CDHR1: variants seen among roughly 807,000 people sequenced by gnomAD.
CDHR1 encodes cadherin-related family member 1.
In CDHR1, 61 loss-of-function variants were observed where a neutral mutation model predicts 72.1. That is an observed-to-expected ratio of 0.85 (90% CI 0.69 to 1.05). The LOEUF (loss-of-function observed/expected upper bound fraction) is 1.05. Among genes scored for constraint, CDHR1 ranks in the 50% least tolerant of loss-of-function variants. The pLI, the probability that CDHR1 is intolerant of heterozygous loss-of-function variation, is 0.00. For synonymous variants in CDHR1, 470 were observed against 448.1 expected (o/e 1.05, Z -0.62); for missense variants, 1,186 against 1,115.7 (o/e 1.06, Z -0.90).
rs542245303 is a variant in CDHR1 at position 84,205,361 on chromosome 10, A to C, written c.863-466A>C. 8.6e-5 allele frequency among the ~76,000 whole-genome samples: 13 copies of C among 151,356 alleles called. No homozygotes were observed. In the South Asian group the frequency reaches 2.7e-3, roughly 32 times the overall value. ...CTTCCCATCACCACTGCAAACCTTT[A>C]CCCAGTCCTTGAGCACCCACCCCAT... is the stretch of plus-strand genomic sequence containing the variant. On this transcript the variant is annotated intron_variant, in intron 9 of 16. Coordinates refer to ENST00000623527, the MANE Select transcript of CDHR1 (RefSeq NM_033100.4).
At position 84,199,138 on chromosome 10, in the gene CDHR1, T is replaced by C. The variant is rs1453842537; in HGVS notation, c.438+17T>C. ...GTTCCCGAGGTAAGTGAGGAGCTGC[T>C]AGAGGGGCTGATTTTCCCACCCAGG... On this transcript the variant is annotated intron_variant, in intron 5 of 16. Coordinates refer to ENST00000623527, the MANE Select transcript of CDHR1 (RefSeq NM_033100.4). The C allele has an allele frequency of 1.3e-6, 2 of 1,548,116 alleles. No individual in the cohort carries two copies. The highest frequency in any genetic ancestry group is 1.7e-6 in the Non-Finnish European group (2 of 1,144,806).
In CDHR1 at chr10:84,217,385, T is replaced by G. The variant is rs2132844050; in HGVS notation, c.*2764T>G. 1.0e-6 allele frequency: 1 copy of G among 985,450 alleles called. No homozygotes were observed. Among genetic ancestry groups the G allele is most frequent in the Non-Finnish European group, 1.2e-6 (1 of 829,942 alleles). 61.0% of individuals were successfully genotyped at this position (985,450 alleles called of 1,614,324 possible). A position where few individuals can be genotyped will look rare whatever the true frequency, so the allele number is the denominator to read the frequency against. On this transcript the variant is annotated 3_prime_UTR_variant, in exon 17 of 17. Coordinates refer to ENST00000623527, the MANE Select transcript of CDHR1 (RefSeq NM_033100.4). ...CACCAAATACTCTGCAGAGTCATTT[T>G]CCTCCTGCGGCTGAGCTCAGATCTT...
chr10:84,214,957 C>T lies in CDHR1; in HGVS notation c.*336C>T, dbSNP rs1842404202. ...GCCAGCTCACCCATCCCAGACCTCACAGTCCCTCAGGTTCTACTGGGATCT... is the reference window on the plus strand; with the variant it reads ...GCCAGCTCACCCATCCCAGACCTCATAGTCCCTCAGGTTCTACTGGGATCT... On this transcript the variant is annotated 3_prime_UTR_variant, in exon 17 of 17. Transcript: ENST00000623527. 3 of 1,249,598 alleles carry T rather than the reference C, an allele frequency of 2.4e-6. No individual in the cohort carries two copies. The highest frequency in any genetic ancestry group is 3.0e-6 in the Non-Finnish European group (3 of 985,510). 77.4% of individuals were successfully genotyped at this position (1,249,598 alleles called of 1,614,324 possible).
At position 84,194,689 on chromosome 10, in the gene CDHR1, G is replaced by A; in HGVS notation, c.-72G>A. 7.7e-7 allele frequency: 1 copy of A among 1,295,690 alleles called. No homozygotes were observed. Among genetic ancestry groups the A allele is most frequent in the East Asian group, 2.9e-5 (1 of 34,092 alleles). The allele number at this position is 1,295,690 out of a possible 1,614,324, so 80.3% of individuals were successfully genotyped here. On this transcript the variant is annotated 5_prime_UTR_variant, in exon 1 of 17. Transcript: ENST00000623527. ...CATTGTGGTCTCTGCCCTCCCCGCG[G>A]GCCCAGGGCATGCTCCGTGCCCCTG...
chr10:84,210,961 G>C (rs199901131), intron 12 of CDHR1, 40 bp from the exon 13 acceptor site: 105 of 1,610,748 alleles, frequency 6.5e-5, no homozygotes, highest in Non-Finnish European at 8.5e-5. Context: ...TGCAGCATGA[G>C]TGCCTACCCA....
rs145353541 is a variant in CDHR1, at chr10:84,208,748, A to C, written c.1187A>C (p.Asn396Thr). Reference sequence around the variant, plus strand: ...CTCTAGGGAGCCAATGCCAAATTCAACTTGCAGCTGGTGGGACCCAGGGGC... The same window carrying C: ...CTCTAGGGAGCCAATGCCAAATTCACCTTGCAGCTGGTGGGACCCAGGGGC... ...DSDQGANAKF[N>T]LQLVGPRGIF... The change falls in exon 12 of 17, where the codon AAC becomes ACC. Residue 396 changes from asparagine (N) to threonine (T), a missense_variant. Coordinates refer to ENST00000623527, the MANE Select transcript of CDHR1 (RefSeq NM_033100.4). The C allele has an allele frequency of 2.5e-6, 4 of 1,614,196 alleles. No homozygotes were observed. The highest frequency in any genetic ancestry group is 3.4e-6 in the Non-Finnish European group (4 of 1,180,014).
At chr10:84,211,739 C>A in intron 14 of CDHR1, 24 bp downstream of exon 14, 1 of 1,601,962 alleles carries the variant, frequency 6.2e-7, no homozygotes, top group Non-Finnish European at 8.6e-7. Flanking sequence ...GAATCCAGGA[C>A]AGGGCCTTGG....
Position 84,194,748 on chromosome 10 carries a change from C to G in CDHR1, c.-13C>G. ...CTCGGCGGCGGCAGGCGACACTCCG[C>G]GCCGGCGGAGACATGAGGCGCTGCC... On this transcript the variant is annotated 5_prime_UTR_variant, in exon 1 of 17. Coordinates refer to ENST00000623527, the MANE Select transcript of CDHR1 (RefSeq NM_033100.4). The G allele has an allele frequency of 6.7e-7, 1 of 1,497,450 alleles. No individual in the cohort carries two copies. The highest frequency in any genetic ancestry group is 1.4e-5 in the African/African-American group (1 of 68,978). The allele number at this position is 1,497,450 out of a possible 1,614,324, so 92.8% of individuals were successfully genotyped here. A position where few individuals can be genotyped will look rare whatever the true frequency, so the allele number is the denominator to read the frequency against.
intron 6 of CDHR1, among the ~76,000 whole-genome samples, chr10:84,201,279 A>G (rs1335357440): frequency 6.6e-6 from 1 of 152,074 alleles, no homozygotes; most frequent in Non-Finnish European, 1.5e-5. Context: ...GCCTGACACT[A>G]CCCAGCCAGA....
chr10:84,195,458 G>C (rs776985319), intron 1 of CDHR1, 36 bp from the exon 2 acceptor site: 4 of 1,584,780 alleles, frequency 2.5e-6, no homozygotes, highest in Non-Finnish European at 2.6e-6. Flanking sequence ...GGTGTCCTTT[G>C]CCTGGGTGTC....
At position 84,214,823 on chromosome 10, in the gene CDHR1, G is replaced by A. The variant is rs563573190; in HGVS notation, c.*202G>A. On this transcript the variant is annotated 3_prime_UTR_variant, in exon 17 of 17. Coordinates refer to ENST00000623527, the MANE Select transcript of CDHR1 (RefSeq NM_033100.4). Reference sequence around the variant, plus strand: ...CTGACAGGGCTCTAGTCAGGGCCTTGGGCAAGACATTGGGCTCTAGGATGC... The same window carrying A: ...CTGACAGGGCTCTAGTCAGGGCCTTAGGCAAGACATTGGGCTCTAGGATGC... 45 of 1,495,262 alleles carry A rather than the reference G, an allele frequency of 3.0e-5. 3 individuals are homozygous for A. The South Asian group carries it at 5.6e-4, about 19-fold the overall frequency. The allele number at this position is 1,495,262 out of a possible 1,614,324, so 92.6% of individuals were successfully genotyped here.
chr10:84,196,411 T>TTA, intron 2 of CDHR1, 94 bp from the exon 3 acceptor site: 1 of 1,402,486 alleles, frequency 7.1e-7, no homozygotes. Context: ...AATAGTCACT[T>TTA]TATAAACAGC....
chr10:84,208,985 C>T (rs1842281726), intron 12 of CDHR1, 104 bp downstream of exon 12: 1 of 1,234,518 alleles, frequency 8.1e-7, no homozygotes. Flanking sequence ...CTCTGCCCTT[C>T]CTGGCCCTAC....
chr10:84,206,551 T>A (rs1294350866), intron 10 of CDHR1, among the ~76,000 whole-genome samples: 1 of 152,218 alleles, frequency 6.6e-6, no homozygotes, highest in Non-Finnish European at 1.5e-5. Flanking sequence ...ATTATGTAGC[T>A]GGTCCTACCC....
In CDHR1 at chr10:84,199,093, A is replaced by G; in HGVS notation, c.410A>G (p.Gln137Arg). Residue 137 changes from glutamine (Q) to arginine (R), a missense_variant, in exon 5 of 17, where the codon CAG becomes CGG. Coordinates refer to ENST00000623527, the MANE Select transcript of CDHR1 (RefSeq NM_033100.4). ...AATGATGAGGCGCCCAGGTTCATCC[A>G]GGAGCCTTATGTTGCCCTGGTTCCC... ...DANDEAPRFI[Q>R]EPYVALVPED... is the part of the protein sequence containing the mutation. The G allele has an allele frequency of 6.4e-7, 1 of 1,551,482 alleles. No homozygotes were observed. Among genetic ancestry groups the G allele is most frequent in the Non-Finnish European group, 8.7e-7 (1 of 1,147,012 alleles).
At chr10:84,218,713 C>T (rs1842464490), downstream of CDHR1, 13 of 991,084 alleles carry the variant, frequency 1.3e-5, no homozygotes, top group Non-Finnish European at 1.6e-5. Flanking sequence ...ACTGTAGCAT[C>T]TTTTCAACAT....
In CDHR1 at chr10:84,201,860, G is replaced by C; in HGVS notation, c.579G>C (p.Gln193His). 2.5e-6 allele frequency: 4 copies of C among 1,609,846 alleles called. No individual in the cohort carries two copies. Among genetic ancestry groups the C allele is most frequent in the Non-Finnish European group, 3.4e-6 (4 of 1,180,014 alleles). ...GCCACAGCGGTGTGCTGCGCCTCCA[G>C]GCTGGGGCCACTCTGGACTACGAGA... ...VDRHSGVLRLQAGATLDYERS... is the reference protein window; with the variant it reads ...VDRHSGVLRLHAGATLDYERS... Residue 193 changes from glutamine to histidine, a missense_variant, in exon 7 of 17, where the codon CAG (glutamine) becomes CAC (histidine). Coordinates refer to ENST00000623527, the MANE Select transcript of CDHR1 (RefSeq NM_033100.4).
intron 1 of CDHR1, 106 bp from the exon 2 acceptor site, chr10:84,195,388 T>G (rs1842009868): frequency 1.9e-6 from 2 of 1,053,218 alleles, no homozygotes; most frequent in Non-Finnish European, 1.4e-6. Context: ...AGCGCCCTCC[T>G]GCCCAGTAGC....
In CDHR1 at chr10:84,213,163, G is replaced by A. The variant is rs115388824; in HGVS notation, c.1855G>A (p.Val619Met). ...YSITHAEPAN[V>M]FDINSHTGEI... is the part of the protein sequence containing the mutation. ...CATCACCCATGCAGAGCCCGCCAACGTGTTCGACATCAATTCCCACACGGG... is the reference window on the plus strand; with the variant it reads ...CATCACCCATGCAGAGCCCGCCAACATGTTCGACATCAATTCCCACACGGG... The change falls in exon 16 of 17, where the codon GTG (valine) becomes ATG (methionine). Residue 619 changes from valine to methionine, a missense_variant. Transcript: ENST00000623527. 1.3e-5 allele frequency: 21 copies of A among 1,614,108 alleles called. No individual in the cohort carries two copies. The highest frequency in any genetic ancestry group is 5.0e-5 in the Admixed American group (3 of 60,006).
Sources: allele counts gnomAD v4.1 joint callset (sites outside exome capture counted in the v4.1 genomes callset), GRCh38; gene constraint gnomAD v4.1.1; transcripts MANE v1.5; gene names NCBI Gene and HGNC (gene_info 2026-07-23, HGNC 2026-07-21).